Variants in PTPRO observed in about 807,000 individuals in gnomAD.
The protein encoded by PTPRO is protein tyrosine phosphatase receptor type O.
PTPRO carries 62 observed loss-of-function variants against 145.2 expected under a neutral mutation model. That is an observed-to-expected ratio of 0.43 (90% CI 0.35 to 0.53). PTPRO has a LOEUF of 0.53. PTPRO is among the 20% of genes least tolerant of loss of function. The probability of loss-of-function intolerance (pLI) is 0.01; values close to 1 mark genes in which losing one functional copy is unlikely to be tolerated. For missense variants in PTPRO, 1,345 were observed against 1,482.7 expected (o/e 0.91, Z 1.53); for synonymous variants, 565 against 514.7 (o/e 1.10, Z -1.32).
chr12:15,587,142 A>C, intron 24 of PTPRO, 91 bp downstream of exon 24: 1 of 1,408,228 alleles, frequency 7.1e-7, no homozygotes, highest in South Asian at 1.2e-5. Context: ...TATCAGGTTT[A>C]GTTGAAAATT....
intron 13 of PTPRO, among the ~76,000 whole-genome samples, chr12:15,547,425 G>C (rs1407062841): frequency 1.3e-5 from 2 of 152,158 alleles, no homozygotes; most frequent in Non-Finnish European, 2.9e-5. Context: ...ATTTGTTAGG[G>C]ATTTTACATA....
At chr12:15,475,937 G>A (rs774595382) in intron 1 of PTPRO, among the ~76,000 whole-genome samples, 1 of 152,146 alleles carries the variant, frequency 6.6e-6, no homozygotes, top group Non-Finnish European at 1.5e-5. Context: ...TCTATCCAAT[G>A]AGGACATCTC....
At chr12:15,471,811 T>G (rs760987194) in intron 1 of PTPRO, among the ~76,000 whole-genome samples, 5 of 152,208 alleles carry the variant, frequency 3.3e-5, no homozygotes, top group Non-Finnish European at 7.3e-5. Flanking sequence ...AGAGGCCATC[T>G]CTGGCCTTTG....
rs576737652 is a variant in PTPRO at position 15,455,313 on chromosome 12, C to G, written c.76-28661C>G. 3.5e-3 allele frequency among the ~76,000 whole-genome samples: 529 copies of G among 151,900 alleles called. 4 individuals are homozygous for G. The highest frequency in any genetic ancestry group is 0.012 in the African/African-American group (507 of 41,486). On this transcript the variant is annotated intron_variant, in intron 1 of 26. Transcript: ENST00000281171. The stretch of plus-strand genomic sequence containing the variant: ...GTTCACCTCCCCACTGCCCCTTCCC[C>G]CCCACACACACAATACCTGAAATCT...
At chr12:15,362,831 CT>C (rs1938251303) in intron 1 of PTPRO, among the ~76,000 whole-genome samples, 1 of 151,992 alleles carries the variant, frequency 6.6e-6, no homozygotes, top group South Asian at 2.1e-4. Context: ...TGTGTGAAAC[CT>C]TTTTTTAAAG....
chr12:15,549,259 C>G (rs575770728), intron 14 of PTPRO, 33 bp downstream of exon 14: 3 of 1,513,384 alleles, frequency 2.0e-6, no homozygotes, highest in African/African-American at 1.5e-5. Context: ...AATTTTCTCA[C>G]TTTTTTTGAA....
intron 1 of PTPRO, among the ~76,000 whole-genome samples, chr12:15,426,376 T>A (rs556491672): frequency 1.0e-3 from 157 of 152,160 alleles, no homozygotes; most frequent in Non-Finnish European, 1.9e-3. Context: ...TATCTCTTCT[T>A]TTGCAATGTT....
At chr12:15,520,847 T>A (rs1447792322) in intron 10 of PTPRO, among the ~76,000 whole-genome samples, 4 of 152,216 alleles carry the variant, frequency 2.6e-5, no homozygotes, top group African/African-American at 9.6e-5. Flanking sequence ...ATGTTTTTTT[T>A]AATGTGGAAA....
intron 1 of PTPRO, among the ~76,000 whole-genome samples, chr12:15,419,158 C>T (rs930708016): frequency 2.0e-5 from 3 of 148,964 alleles, no homozygotes; most frequent in Non-Finnish European, 4.4e-5. Flanking sequence ...CAAATTTTAG[C>T]AGATATTCAT....
chr12:15,478,185 T>C (rs1941699911), intron 1 of PTPRO, among the ~76,000 whole-genome samples: 1 of 152,206 alleles, frequency 6.6e-6, no homozygotes, highest in Admixed American at 6.5e-5. Flanking sequence ...AATGCAATAC[T>C]TCTAGATTTG....
chr12:15,416,053 G>T (rs769992465), intron 1 of PTPRO, among the ~76,000 whole-genome samples: 3 of 151,654 alleles, frequency 2.0e-5, no homozygotes, highest in East Asian at 1.9e-4. Flanking sequence ...TAATTTATTT[G>T]TCTGTCTGCA....
At chr12:15,329,910 T>G (rs1866557288) in intron 1 of PTPRO, among the ~76,000 whole-genome samples, 1 of 152,176 alleles carries the variant, frequency 6.6e-6, no homozygotes, top group African/African-American at 2.4e-5. Flanking sequence ...TAGGTTTAAA[T>G]ATATACACAC....
intron 1 of PTPRO, among the ~76,000 whole-genome samples, chr12:15,396,057 G>A (rs188548436): frequency 2.6e-5 from 4 of 152,288 alleles, no homozygotes; most frequent in Admixed American, 6.5e-5. Context: ...ACATCTGTGT[G>A]TGTAGTACAC....
chr12:15,369,344 C>A (rs988356738), intron 1 of PTPRO, among the ~76,000 whole-genome samples: 7 of 152,108 alleles, frequency 4.6e-5, no homozygotes, highest in Non-Finnish European at 1.0e-4. Flanking sequence ...GGTCTTCAAC[C>A]AGTTTCTCAT....
chr12:15,481,370 T>C (rs2136434474), intron 1 of PTPRO, among the ~76,000 whole-genome samples: 1 of 152,350 alleles, frequency 6.6e-6, no homozygotes, highest in South Asian at 2.1e-4. Context: ...TCAAAACATG[T>C]AATTTCACCA....
intron 1 of PTPRO, among the ~76,000 whole-genome samples, chr12:15,414,649 T>C (rs999196237): frequency 4.6e-5 from 7 of 152,238 alleles, no homozygotes; most frequent in African/African-American, 1.7e-4. Flanking sequence ...AATTTTAATT[T>C]ATTCAGCTGC....
intron 8 of PTPRO, 67 bp downstream of exon 8, chr12:15,515,685 T>A (rs190667799): frequency 1.3e-6 from 2 of 1,593,404 alleles, no homozygotes; most frequent in East Asian, 2.2e-5. Flanking sequence ...GGGTGCAATG[T>A]GCGAGCTCAA....
intron 23 of PTPRO, among the ~76,000 whole-genome samples, chr12:15,582,862 C>A (rs1944350718): frequency 6.6e-6 from 1 of 152,114 alleles, no homozygotes; most frequent in Non-Finnish European, 1.5e-5. Flanking sequence ...TCTCACAAGG[C>A]CTGACACCTT....
intron 1 of PTPRO, among the ~76,000 whole-genome samples, chr12:15,378,717 C>T (rs1162994600): frequency 6.6e-6 from 1 of 151,954 alleles, no homozygotes; most frequent in Non-Finnish European, 1.5e-5. Flanking sequence ...CCAGTAATAC[C>T]ATAATACCAA....
Sources: allele counts gnomAD v4.1 joint callset (sites outside exome capture counted in the v4.1 genomes callset), GRCh38; gene constraint gnomAD v4.1.1; transcripts MANE v1.5; gene names NCBI Gene and HGNC (gene_info 2026-07-23, HGNC 2026-07-21).